The following EPC1 variants were observed in gnomAD, a reference collection of about 807,000 sequenced individuals.
The protein encoded by EPC1 is enhancer of polycomb 1, also known as enhancer of polycomb homolog 1.
EPC1 carries 12 observed loss-of-function variants against 98.4 expected under a neutral mutation model. That is an observed-to-expected ratio of 0.12 (90% CI 0.08 to 0.20). The LOEUF (loss-of-function observed/expected upper bound fraction) is 0.20. EPC1 is among the 10% of genes least tolerant of loss of function. EPC1 has a pLI of 1.00. For synonymous variants in EPC1, 357 were observed against 363.9 expected (o/e 0.98, Z 0.21); for missense variants, 729 against 990.5 (o/e 0.74, Z 3.54).
chr10:32,364,001 CATTTTTTTTTT>C (rs1471450889), intron 1 of EPC1, among the ~76,000 whole-genome samples: 20 of 61,858 alleles, frequency 3.2e-4, no homozygotes, highest in Non-Finnish European at 4.3e-4. Context: ...ATCATGTTGG[CATTTTTTTTTT>C]TTTTTTTTTT....
chr10:32,346,759 G>A lies in EPC1; in HGVS notation c.153+4C>T. The A allele has an allele frequency of 1.2e-6, 2 of 1,613,884 alleles. No individual in the cohort carries two copies. The highest frequency in any genetic ancestry group is 1.7e-6 in the Non-Finnish European group (2 of 1,179,818). On this transcript the variant is annotated splice_donor_region_variant and intron_variant, in intron 1 of 13. Transcript: ENST00000319778. ...GTGGGTCGGACAGGGGAGTTAACAC[G>A]TACCGACTCCTCTTCCTTCTCCATT...
intron 1 of EPC1, among the ~76,000 whole-genome samples, chr10:32,314,729 TA>T (rs1310090711): frequency 6.6e-6 from 1 of 152,136 alleles, no homozygotes; most frequent in Admixed American, 6.6e-5. Context: ...AAGCCAGAAA[TA>T]TTTTTTATTA....
chr10:32,272,929 A>T, intron 11 of EPC1: 2 of 1,137,924 alleles, frequency 1.8e-6, no homozygotes, highest in South Asian at 2.7e-5. Flanking sequence ...GTCAGACGGG[A>T]AGACAGTATC....
chr10:32,268,878 G>A lies in EPC1; in HGVS notation c.*185C>T, dbSNP rs1835703015. 2 of 554,874 alleles carry A rather than the reference G, an allele frequency of 3.6e-6. No individual in the cohort carries two copies. The highest frequency in any genetic ancestry group is 6.0e-5 in the East Asian group (2 of 33,104). The allele number at this position is 554,874 out of a possible 1,614,324, so 34.4% of individuals were successfully genotyped here. A position where few individuals can be genotyped will look rare whatever the true frequency, so the allele number is the denominator to read the frequency against. On this transcript the variant is annotated 3_prime_UTR_variant, in exon 14 of 14. Transcript: ENST00000319778. ...ATTGCTGTATTCTTAATTTACAGAT[G>A]TTGATTTTTTTCCTATTAACAGTAA...
intron 3 of EPC1, 48 bp from the exon 4 acceptor site, chr10:32,293,242 T>C (rs1458984787): frequency 1.5e-6 from 2 of 1,352,072 alleles, no homozygotes; most frequent in Admixed American, 4.0e-5. Context: ...ACATACAAGG[T>C]TCATAAGTAT....
At chr10:32,367,229 G>A (rs1839627311) in intron 1 of EPC1, among the ~76,000 whole-genome samples, 1 of 152,162 alleles carries the variant, frequency 6.6e-6, no homozygotes, top group Non-Finnish European at 1.5e-5. Context: ...GACCTCAAGT[G>A]ATCTGCCCAC....
At position 32,321,834 on chromosome 10, in the gene EPC1, G is replaced by A. The variant is rs1836942251; in HGVS notation, c.154-15903C>T. 2.0e-5 allele frequency among the ~76,000 whole-genome samples: 3 copies of A among 151,588 alleles called. No homozygotes were observed. In the South Asian group the frequency reaches 6.3e-4, roughly 32 times the overall value. On this transcript the variant is annotated intron_variant, in intron 1 of 13. Coordinates refer to ENST00000319778, the MANE Select transcript of EPC1 (RefSeq NM_001272004.3). The stretch of plus-strand genomic sequence containing the variant: ...GTCTTCTTCTGCCTTCCCCATCTAT[G>A]GCTGGGTTCTGGTTGGTACTCAGGG...
intron 6 of EPC1, 52 bp from the exon 7 acceptor site, chr10:32,287,326 T>C (rs768989551): frequency 6.9e-6 from 11 of 1,594,670 alleles, no homozygotes; most frequent in Admixed American, 3.5e-5. Flanking sequence ...TTCAACAAAT[T>C]TGCAGTTTTG....
At chr10:32,278,361 G>GT (rs1188632386) in intron 10 of EPC1, among the ~76,000 whole-genome samples, 5 of 122,672 alleles carry the variant, frequency 4.1e-5, no homozygotes, top group African/African-American at 9.3e-5. Context: ...GTATACTTTG[G>GT]TTTTTTTTTG....
intron 1 of EPC1, among the ~76,000 whole-genome samples, chr10:32,362,933 T>C (rs2505349): frequency 0.53 from 81,285 of 152,062 alleles, 23,743 homozygotes; most frequent in East Asian, 0.69. Flanking sequence ...TTCACCTTCT[T>C]TACACCATAC....
chr10:32,339,560 A>G (rs117837423), intron 1 of EPC1, among the ~76,000 whole-genome samples: 103 of 152,298 alleles, frequency 6.8e-4, no homozygotes, highest in Admixed American at 1.4e-3. Context: ...AATAATAATA[A>G]TAACAACCTA....
chr10:32,274,881 CAT>C (rs1235494183), intron 10 of EPC1, among the ~76,000 whole-genome samples: 14 of 152,028 alleles, frequency 9.2e-5, no homozygotes, highest in African/African-American at 3.4e-4. Flanking sequence ...TAATATTTCT[CAT>C]GTTTAAAAAA....
intron 1 of EPC1, among the ~76,000 whole-genome samples, chr10:32,343,694 T>TC (rs1554824214): frequency 1.4e-5 from 2 of 142,782 alleles, no homozygotes; most frequent in Non-Finnish European, 3.1e-5. Context: ...CAAATTATTT[T>TC]GGGGGGGGGG....
rs1338535318 is a variant in EPC1 at position 32,322,149 on chromosome 10, C to G, written c.154-16218G>C. On this transcript the variant is annotated intron_variant, in intron 1 of 13. Transcript: ENST00000319778. ...GACCAGGTACAGATGCTTCCCTATGCCATTCTTAATCACGCATTAGCCTTA... is the reference window on the plus strand; with the variant it reads ...GACCAGGTACAGATGCTTCCCTATGGCATTCTTAATCACGCATTAGCCTTA... Among the ~76,000 whole-genome samples the G allele has an allele frequency of 1.3e-5, 2 of 150,300 alleles. 1 individual carries two copies. Among genetic ancestry groups the G allele is most frequent in the African/African-American group, 4.9e-5 (2 of 40,682 alleles).
chr10:32,268,631 A>C lies in EPC1; in HGVS notation c.*432T>G, dbSNP rs1203442045. 6.5e-6 allele frequency: 1 copy of C among 153,390 alleles called. No individual in the cohort carries two copies. Among genetic ancestry groups the C allele is most frequent in the Admixed American group, 6.5e-5 (1 of 15,356 alleles). 9.5% of individuals were successfully genotyped at this position (153,390 alleles called of 1,614,324 possible). A position where few individuals can be genotyped will look rare whatever the true frequency, so the allele number is the denominator to read the frequency against. ...CCAATGAAGGTACAGTGTACAAAAA[A>C]CTGTAAACACGGCACAATAAATAGA... On this transcript the variant is annotated 3_prime_UTR_variant, in exon 14 of 14. Transcript: ENST00000319778.
intron 2 of EPC1, among the ~76,000 whole-genome samples, chr10:32,297,792 G>GATTATTATT (rs113992440): frequency 2.6e-5 from 4 of 151,022 alleles, no homozygotes; most frequent in African/African-American, 4.9e-5. Flanking sequence ...ACATTGAATA[G>GATTATTATT]ATTATTATTA....
chr10:32,340,477 G>T (rs1354026175), intron 1 of EPC1, among the ~76,000 whole-genome samples: 1 of 152,068 alleles, frequency 6.6e-6, no homozygotes, highest in Non-Finnish European at 1.5e-5. Context: ...ACCTAATCAA[G>T]AAAGATTTTC....
intron 1 of EPC1, among the ~76,000 whole-genome samples, chr10:32,323,810 C>T (rs1005651177): frequency 6.6e-6 from 1 of 152,198 alleles, no homozygotes; most frequent in Admixed American, 6.5e-5. Context: ...ACAGAAAATG[C>T]CACCTAACTT....
chr10:32,375,828 A>G (rs1839859506), intron 1 of EPC1, among the ~76,000 whole-genome samples: 1 of 152,030 alleles, frequency 6.6e-6, no homozygotes, highest in African/African-American at 2.4e-5. Context: ...TGATCTAGCA[A>G]CTGTTACCAT....
Sources: allele counts gnomAD v4.1 joint callset (sites outside exome capture counted in the v4.1 genomes callset), GRCh38; gene constraint gnomAD v4.1.1; transcripts MANE v1.5; gene names NCBI Gene and HGNC (gene_info 2026-07-23, HGNC 2026-07-21).